NCOA2: variants seen among roughly 807,000 people sequenced by gnomAD.
The protein encoded by NCOA2 is nuclear receptor coactivator 2, also known as class E basic helix-loop-helix protein 75.
Under a neutral mutation model 145.1 loss-of-function variants are expected in NCOA2, and 21 were observed. That is an observed-to-expected ratio of 0.14 (90% CI 0.10 to 0.21). The LOEUF is 0.21. Among genes scored for constraint, NCOA2 ranks in the 10% least tolerant of loss-of-function variants. The pLI is 1.00. For missense variants in NCOA2, 1,472 were observed against 1,837.6 expected (o/e 0.80, Z 3.64); for synonymous variants, 619 against 637.5 (o/e 0.97, Z 0.44).
intron 16 of NCOA2, 112 bp downstream of exon 16, chr8:70,131,725 A>C (rs1056397662): frequency 2.6e-4 from 310 of 1,174,136 alleles, no homozygotes; most frequent in Non-Finnish European, 3.4e-4. Flanking sequence ...GGTAAAAAAA[A>C]CAACAACAAT....
Position 70,124,718 on chromosome 8 carries a change from C to T in NCOA2, c.4064G>A (p.Gly1355Glu), listed in dbSNP as rs1015624606. 2.5e-6 allele frequency: 4 copies of T among 1,612,018 alleles called. No individual in the cohort carries two copies. The highest frequency in any genetic ancestry group is 3.4e-6 in the Non-Finnish European group (4 of 1,179,316). Residue 1355 changes from glycine to glutamate, a missense_variant, in exon 20 of 23, where the codon GGA becomes GAA. Physicochemically the swap from Gly to Glu is moderately conservative, Grantham distance 98. Coordinates refer to ENST00000452400, the MANE Select transcript of NCOA2 (RefSeq NM_006540.4). ...PAYQAPSDIN[G>E]WAQGNMGGNS... ...TCCGCCCATGTTCCCCTGCGCCCAT[C>T]CATTTATGTCGGAGGGGGCCTGATA...
chr8:70,255,932 CTGAATCTGCTGACT>C (rs1438516521), intron 2 of NCOA2, among the ~76,000 whole-genome samples: 1 of 152,204 alleles, frequency 6.6e-6, no homozygotes, highest in Non-Finnish European at 1.5e-5. Context: ...TGAATGGAAG[CTGAATCTGCTGACT>C]TGAAGCTGCT....
At chr8:70,358,254 G>T (rs969806379) in intron 1 of NCOA2, among the ~76,000 whole-genome samples, 2 of 152,086 alleles carry the variant, frequency 1.3e-5, no homozygotes, top group Non-Finnish European at 2.9e-5. Flanking sequence ...AGAAATGAGA[G>T]CCAACCAATC....
intron 12 of NCOA2, 141 bp from the exon 13 acceptor site, chr8:70,144,989 A>C: frequency 1.4e-6 from 1 of 702,288 alleles, no homozygotes; most frequent in East Asian, 2.7e-5. Context: ...AGACAAAATC[A>C]CAGACAAAAA....
chr8:70,419,046 C>T, the NCOA2 span, among the ~76,000 whole-genome samples: 1 of 151,078 alleles, frequency 6.6e-6, no homozygotes, highest in Non-Finnish European at 1.5e-5. Context: ...GATTTGGATC[C>T]CCATGGGCAT....
chr8:70,388,428 A>G (rs1206134716), intron 1 of NCOA2, among the ~76,000 whole-genome samples: 1 of 152,160 alleles, frequency 6.6e-6, no homozygotes, highest in Non-Finnish European at 1.5e-5. Flanking sequence ...ATCAAACACT[A>G]CAGCAGCTCT....
At chr8:70,190,506 G>C (rs1314532943) in intron 4 of NCOA2, among the ~76,000 whole-genome samples, 1 of 152,176 alleles carries the variant, frequency 6.6e-6, no homozygotes, top group Non-Finnish European at 1.5e-5. Context: ...TAGAGTATAT[G>C]AAAGTACCTC....
At chr8:70,361,961 G>A (rs555472926) in intron 1 of NCOA2, among the ~76,000 whole-genome samples, 7 of 152,306 alleles carry the variant, frequency 4.6e-5, no homozygotes, top group East Asian at 1.9e-4. Context: ...TTGACAAGCC[G>A]TATGGCCGCA....
intron 19 of NCOA2, 21 bp from the exon 20 acceptor site, chr8:70,124,886 C>T (rs767055478): frequency 6.5e-6 from 10 of 1,549,958 alleles, no homozygotes; most frequent in African/African-American, 1.4e-5. Context: ...AAAACAGAAA[C>T]AGAAATCCAA....
chr8:70,160,670 AGAGAGAGAGAGG>A (rs1273201559), intron 9 of NCOA2, among the ~76,000 whole-genome samples: 2 of 146,422 alleles, frequency 1.4e-5, no homozygotes. Context: ...AGAGAGAGAG[AGAGAGAGAGAGG>A]GAGAGAGAGA....
intron 2 of NCOA2, among the ~76,000 whole-genome samples, chr8:70,226,653 TAA>T (rs1820670548): frequency 3.6e-5 from 3 of 83,724 alleles, no homozygotes; most frequent in Non-Finnish European, 7.6e-5. Context: ...ACTTATGTTT[TAA>T]TTATTTATAT....
At chr8:70,335,713 T>A (rs1807524623) in intron 1 of NCOA2, among the ~76,000 whole-genome samples, 2 of 152,186 alleles carry the variant, frequency 1.3e-5, no homozygotes, top group Non-Finnish European at 1.5e-5. Flanking sequence ...TGTCAATTAA[T>A]GATAGGGATA....
chr8:70,356,298 G>A (rs1156267325), intron 1 of NCOA2, among the ~76,000 whole-genome samples: 3 of 150,526 alleles, frequency 2.0e-5, no homozygotes, highest in Non-Finnish European at 4.4e-5. Flanking sequence ...GTCTGTAAAT[G>A]ATACCAAAAA....
intron 22 of NCOA2, among the ~76,000 whole-genome samples, chr8:70,115,405 C>T (rs1169277520): frequency 3.3e-5 from 5 of 152,204 alleles, no homozygotes; most frequent in East Asian, 1.9e-4. Flanking sequence ...TGCTGTGCTC[C>T]GCACACACCT....
chr8:70,112,718 A>AC lies in NCOA2; in HGVS notation c.*913dup, dbSNP rs1456688846. The AC allele has an allele frequency of 3.4e-5, 7 of 206,526 alleles. No individual in the cohort carries two copies. The highest frequency in any genetic ancestry group is 6.9e-5 in the Non-Finnish European group (7 of 101,194). The allele number at this position is 206,526 out of a possible 1,614,324, so 12.8% of individuals were successfully genotyped here. ...AAACATTTAAGGAAATAAAGGGCTT[A>AC]CCTGGTTTCTGTAGCTTATATTATT... On this transcript the variant is annotated 3_prime_UTR_variant, in exon 23 of 23. Coordinates refer to ENST00000452400, the MANE Select transcript of NCOA2 (RefSeq NM_006540.4).
chr8:70,185,433 TATACG>T (rs1440645631), intron 4 of NCOA2, among the ~76,000 whole-genome samples: 4 of 152,152 alleles, frequency 2.6e-5, no homozygotes, highest in African/African-American at 9.7e-5. Flanking sequence ...TCTGCATAAA[TATACG>T]CAGCACCATG....
At chr8:70,304,665 TG>T (rs1448064464) in intron 1 of NCOA2, among the ~76,000 whole-genome samples, 1 of 151,712 alleles carries the variant, frequency 6.6e-6, no homozygotes, top group Admixed American at 6.6e-5. Context: ...TTTGTTTTTT[TG>T]TTTTTTTTTT....
At chr8:70,262,878 T>C (rs1264894284) in intron 2 of NCOA2, among the ~76,000 whole-genome samples, 3 of 152,118 alleles carry the variant, frequency 2.0e-5, no homozygotes, top group South Asian at 2.1e-4. Flanking sequence ...CAGATACCTA[T>C]AAAGTTTAAC....
chr8:70,355,979 T>G (rs1286292943), intron 1 of NCOA2, among the ~76,000 whole-genome samples: 2 of 152,192 alleles, frequency 1.3e-5, no homozygotes, highest in Non-Finnish European at 2.9e-5. Flanking sequence ...TGGGACTAAA[T>G]GGTTATCTCC....
Sources: gnomAD v4.1 joint callset for allele counts (sites outside exome capture counted in the v4.1 genomes callset) on GRCh38, gnomAD v4.1.1 for gene constraint, MANE v1.5 for transcripts, NCBI Gene and HGNC (gene_info 2026-07-23, HGNC 2026-07-21) for gene names.